Variants in PRPF18 observed in about 807,000 individuals in gnomAD.
PRPF18 encodes the protein pre-mRNA processing factor 18, also known as pre-mRNA-splicing factor 18.
A neutral mutation model predicts 46.5 loss-of-function variants in PRPF18; 38 were observed. That is an observed-to-expected ratio of 0.82 (90% confidence interval 0.63 to 1.07). The LOEUF (loss-of-function observed/expected upper bound fraction) is 1.07, where lower values mean the gene tolerates loss of function less well. Ranked by LOEUF, PRPF18 falls within the 50% of genes least tolerant of loss-of-function variation. The pLI is 0.00. For missense variants in PRPF18, 263 were observed against 410.0 expected, an observed-to-expected ratio of 0.64 and a Z score of 3.10; for synonymous variants, 152 against 146.7, an observed-to-expected ratio of 1.04 and a Z score of -0.26.
chr10:13,638,476 A>G, the PRPF18 span, among the ~76,000 whole-genome samples: 5 of 152,042 alleles, frequency 3.3e-5, no homozygotes, highest in Non-Finnish European at 5.9e-5. Context: ...ATGGAGGCTA[A>G]GTCCAGTGAT....
chr10:13,638,862 C>T, the PRPF18 span: 3 of 144,194 alleles, frequency 2.1e-5, no homozygotes, highest in Non-Finnish European at 4.6e-5. Context: ...GTGAAGTTGA[C>T]ACAAAATTAA....
intron 1 of PRPF18, among the ~76,000 whole-genome samples, chr10:13,593,470 T>C (rs772119656): frequency 1.3e-5 from 2 of 152,170 alleles, no homozygotes; most frequent in African/African-American, 2.4e-5. Context: ...CCACATGCTG[T>C]GGGGCTGCAA....
the PRPF18 span, chr10:13,638,521 G>A: frequency 6.6e-6 from 1 of 152,160 alleles, no homozygotes; most frequent in Non-Finnish European, 1.5e-5. Flanking sequence ...AGGAAAGTTG[G>A]TGGTGTAGCT....
chr10:13,593,709 AGAG>A (rs2079995664), intron 1 of PRPF18, among the ~76,000 whole-genome samples: 1 of 152,208 alleles, frequency 6.6e-6, no homozygotes, highest in Admixed American at 6.5e-5. Context: ...CTAGACAGAC[AGAG>A]GAGGGTTCTC....
At chr10:13,626,906 T>C (rs183766679) in intron 9 of PRPF18, among the ~76,000 whole-genome samples, 62 of 152,242 alleles carry the variant, frequency 4.1e-4, no homozygotes, top group African/African-American at 1.4e-3. Context: ...CAAAGCTTGA[T>C]GGTTCTATAT....
At chr10:13,626,561 G>A (rs1004318053) in intron 9 of PRPF18, among the ~76,000 whole-genome samples, 2 of 152,214 alleles carry the variant, frequency 1.3e-5, no homozygotes, top group Non-Finnish European at 1.5e-5. Flanking sequence ...GCGTGCATAT[G>A]TGGGGCCAGT....
At chr10:13,629,277 C>T (rs1330708136) in intron 9 of PRPF18, among the ~76,000 whole-genome samples, 3 of 152,170 alleles carry the variant, frequency 2.0e-5, no homozygotes, top group Non-Finnish European at 4.4e-5. Context: ...AAAAGTAGTG[C>T]AGTGACTACT....
At chr10:13,597,031 G>A (rs2080045065) in intron 1 of PRPF18, among the ~76,000 whole-genome samples, 1 of 152,114 alleles carries the variant, frequency 6.6e-6, no homozygotes, top group Non-Finnish European at 1.5e-5. Context: ...TGTTATGTGG[G>A]ATATCAAATG....
intron 3 of PRPF18, among the ~76,000 whole-genome samples, chr10:13,602,272 C>A (rs992619422): frequency 1.3e-5 from 2 of 152,118 alleles, no homozygotes; most frequent in African/African-American, 2.4e-5. Flanking sequence ...CATGTTTTCA[C>A]GTGTTCAGTG....
At chr10:13,591,633 C>G (rs2079962817) in intron 1 of PRPF18, 1 of 624,998 alleles carries the variant, frequency 1.6e-6, no homozygotes, top group South Asian at 1.7e-5. Flanking sequence ...CTGAAGATCT[C>G]AGCTTCCTGG....
At chr10:13,611,010 A>C (rs949824720) in intron 5 of PRPF18, among the ~76,000 whole-genome samples, 13 of 152,244 alleles carry the variant, frequency 8.5e-5, no homozygotes, top group African/African-American at 3.1e-4. Context: ...TTAATGCTTA[A>C]GGAAACATAA....
the PRPF18 span, chr10:13,653,157 T>C: frequency 6.6e-6 from 1 of 151,944 alleles, no homozygotes; most frequent in Non-Finnish European, 1.5e-5. Context: ...CAGTAAGTGT[T>C]AGGACCCTTT....
intron 1 of PRPF18, chr10:13,591,611 T>A (rs1263676404): frequency 4.7e-6 from 3 of 643,724 alleles, no homozygotes; most frequent in Non-Finnish European, 8.5e-6. Flanking sequence ...CTTGTATTTA[T>A]CTTTTTCTGT....
Position 13,607,165 on chromosome 10 carries a change from C to T in PRPF18, c.363+1421C>T, listed in dbSNP as rs527329503. 7.2e-5 allele frequency among the ~76,000 whole-genome samples: 11 copies of T among 152,330 alleles called. No homozygotes were observed. The South Asian group carries it at 2.3e-3, about 32-fold the overall frequency. ...GGAATGCGGTGGCATAATCATGGCT[C>T]ATGGCAGCTGCAACCTCCTGGGCTT... On this transcript the variant is annotated intron_variant, in intron 4 of 9. Coordinates refer to ENST00000378572, the MANE Select transcript of PRPF18 (RefSeq NM_003675.4).
chr10:13,637,417 A>C, the PRPF18 span, among the ~76,000 whole-genome samples: 7 of 152,230 alleles, frequency 4.6e-5, no homozygotes, highest in East Asian at 1.3e-3. Flanking sequence ...GCATTTCTCT[A>C]ATGGCTAATA....
chr10:13,617,699 T>C (rs953880110), intron 9 of PRPF18, among the ~76,000 whole-genome samples: 3 of 152,234 alleles, frequency 2.0e-5, no homozygotes. Flanking sequence ...TTATAAACAG[T>C]AATGTGATTT....
At chr10:13,609,991 T>C in intron 4 of PRPF18, 48 bp from the exon 5 acceptor site, 1 of 1,506,664 alleles carries the variant, frequency 6.6e-7, no homozygotes, top group Non-Finnish European at 9.1e-7. Flanking sequence ...AAAAAACAGG[T>C]GTTCTTCCTT....
chr10:13,587,056 G>A lies in PRPF18; in HGVS notation c.-31G>A, dbSNP rs777626278. ...GAGGCTGGGTTCGAGGAGCTGGAGC[G>A]GGAAACTGGAGCTTAAATTCTGGCG... On this transcript the variant is annotated 5_prime_UTR_variant, in exon 1 of 10. Transcript: ENST00000378572. 5.6e-6 allele frequency: 9 copies of A among 1,610,198 alleles called. No individual in the cohort carries two copies. Among genetic ancestry groups the A allele is most frequent in the Non-Finnish European group, 6.8e-6 (8 of 1,176,354 alleles).
rs1392810434 is a variant in PRPF18 at position 13,610,116 on chromosome 10, G to A, written c.441G>A (p.Glu147=). ...TCAATGAAATCGTCGGCGGTCAGGA[G>A]CCTGGAGAGGAAGACACACAGAATG... The part of the protein sequence containing the change: ...QYLNEIVGGQ[E]PGEEDTQNDL... The change falls in exon 5 of 10, where the codon GAG becomes GAA. Residue 147 remains glutamate, a synonymous_variant. Transcript: ENST00000378572. The A allele has an allele frequency of 1.9e-6, 3 of 1,613,926 alleles. No homozygotes were observed. The highest frequency in any genetic ancestry group is 2.5e-6 in the Non-Finnish European group (3 of 1,179,912).
Sources: allele counts gnomAD v4.1 joint callset (sites outside exome capture counted in the v4.1 genomes callset), GRCh38; gene constraint gnomAD v4.1.1; transcripts MANE v1.5; gene names NCBI Gene and HGNC (gene_info 2026-07-23, HGNC 2026-07-21).